SYT10: variants seen among roughly 807,000 people sequenced by gnomAD.
SYT10 encodes the protein synaptotagmin-10.
SYT10 carries 31 observed loss-of-function variants against 51.1 expected under a neutral mutation model. The observed-to-expected ratio is 0.61, with a 90% confidence interval of 0.46 to 0.82. The LOEUF (loss-of-function observed/expected upper bound fraction) is 0.82. Among genes scored for constraint, SYT10 ranks in the 40% least tolerant of loss-of-function variants. The pLI, the probability that SYT10 is intolerant of heterozygous loss-of-function variation, is 0.00. For missense variants in SYT10, 603 were observed against 634.0 expected, an observed-to-expected ratio of 0.95 and a Z score of 0.53; for synonymous variants, 233 against 225.9, an observed-to-expected ratio of 1.03 and a Z score of -0.28.
At position 33,407,118 on chromosome 12, in the gene SYT10, CA is replaced by C; in HGVS notation, c.747del (p.Val250LeufsTer7). On this transcript the variant is annotated frameshift_variant, in exon 3 of 7. Coordinates refer to ENST00000228567, the MANE Select transcript of SYT10 (RefSeq NM_198992.4). LOFTEE classifies it high-confidence loss of function. ...LQYDYENELL[V>X]VKIIKALDLP... ...AGATCTAAAGCTTTGATAATTTTAA[CA>C]ACTAGAAGTTCATTTTCATAATCAT... The C allele has an allele frequency of 6.2e-7, 1 of 1,613,640 alleles. No homozygotes were observed. Among genetic ancestry groups the C allele is most frequent in the Non-Finnish European group, 8.5e-7 (1 of 1,179,876 alleles).
intron 2 of SYT10, among the ~76,000 whole-genome samples, chr12:33,416,774 T>C (rs527521958): frequency 1.7e-4 from 26 of 152,252 alleles, no homozygotes; most frequent in Admixed American, 1.4e-3. Context: ...ATAGAAGAAA[T>C]AATGGCATGC....
intron 3 of SYT10, among the ~76,000 whole-genome samples, chr12:33,392,880 T>G (rs1419347327): frequency 6.7e-6 from 1 of 148,550 alleles, no homozygotes; most frequent in East Asian, 2.0e-4. Flanking sequence ...AGGACACTGT[T>G]TAAGAATGCC....
rs150217676 is a variant in SYT10, at chr12:33,433,838, G to A, written c.151+5534C>T. On this transcript the variant is annotated intron_variant, in intron 1 of 6. Coordinates refer to ENST00000228567, the MANE Select transcript of SYT10 (RefSeq NM_198992.4). ...GACATTTTTTCCAATGCCCTTCAGCGCCAAGGACGCCCCCAGAATCTCCTC... is the reference window on the plus strand; with the variant it reads ...GACATTTTTTCCAATGCCCTTCAGCACCAAGGACGCCCCCAGAATCTCCTC... 6.6e-3 allele frequency among the ~76,000 whole-genome samples: 998 copies of A among 152,084 alleles called. 10 individuals carry two copies. Among genetic ancestry groups the A allele is most frequent in the African/African-American group, 0.022 (918 of 41,494 alleles).
At chr12:33,391,337 C>A (rs1368431064) in intron 3 of SYT10, among the ~76,000 whole-genome samples, 2 of 151,764 alleles carry the variant, frequency 1.3e-5, no homozygotes, top group Non-Finnish European at 2.9e-5. Flanking sequence ...ATATTTGATT[C>A]TTTCCATGAC....
chr12:33,406,910 T>C lies in SYT10; in HGVS notation c.956A>G (p.Tyr319Cys), dbSNP rs1866357952. 1.9e-6 allele frequency: 3 copies of C among 1,614,086 alleles called. No individual in the cohort carries two copies. ...LSNRKLHFSV[Y>C]DFDRFSRHDM... Reference sequence around the variant, plus strand: ...ATGTCTAGAAAATCTGTCAAAATCATACACACTGAAATGTAGTTTTCGGTT... The same window carrying C: ...ATGTCTAGAAAATCTGTCAAAATCACACACACTGAAATGTAGTTTTCGGTT... Residue 319 changes from tyrosine to cysteine, a missense_variant, in exon 3 of 7, where the codon TAT (tyrosine) becomes TGT (cysteine). By Grantham distance (194) the Tyr-to-Cys change is radical. Transcript: ENST00000228567.
At chr12:33,414,547 A>G (rs914409134) in intron 2 of SYT10, among the ~76,000 whole-genome samples, 2 of 152,214 alleles carry the variant, frequency 1.3e-5, no homozygotes, top group South Asian at 2.1e-4. Flanking sequence ...ACTCAACTAC[A>G]TGGAATCTGA....
intron 6 of SYT10, among the ~76,000 whole-genome samples, chr12:33,379,215 C>T (rs1866092127): frequency 6.6e-6 from 1 of 152,088 alleles, no homozygotes; most frequent in African/African-American, 2.4e-5. Flanking sequence ...ATTTCAGAGT[C>T]ATAGCAGAAA....
intron 3 of SYT10, chr12:33,405,629 A>T (rs1866345791): frequency 6.6e-6 from 1 of 152,110 alleles, no homozygotes; most frequent in Admixed American, 6.5e-5. Flanking sequence ...AGCTATTTTG[A>T]ATAAAAAAAT....
intron 1 of SYT10, among the ~76,000 whole-genome samples, chr12:33,429,009 T>C (rs1393027877): frequency 6.6e-6 from 1 of 151,566 alleles, no homozygotes; most frequent in Non-Finnish European, 1.5e-5. Context: ...GAGGGAGCAA[T>C]AACTACAGCA....
chr12:33,423,088 T>C (rs1866519893), intron 2 of SYT10, among the ~76,000 whole-genome samples: 1 of 152,116 alleles, frequency 6.6e-6, no homozygotes, highest in Admixed American at 6.6e-5. Context: ...TAGGGCAAAA[T>C]GTCCACGTAC....
intron 3 of SYT10, among the ~76,000 whole-genome samples, chr12:33,386,489 G>GT (rs200100682): frequency 1.8e-4 from 27 of 150,454 alleles, no homozygotes; most frequent in Middle Eastern, 6.8e-3. Flanking sequence ...GCCTCTGTGT[G>GT]TTTTTTTTTC....
intron 1 of SYT10, among the ~76,000 whole-genome samples, chr12:33,433,083 C>T (rs540543623): frequency 6.6e-6 from 1 of 152,152 alleles, no homozygotes; most frequent in South Asian, 2.1e-4. Context: ...AAGAAAATTA[C>T]CCTATAAAAT....
rs926426666 is a variant in SYT10 at position 33,375,348 on chromosome 12, A to T, written c.*1482T>A. The T allele has an allele frequency of 1.3e-5, 2 of 152,132 alleles. No individual in the cohort carries two copies. 9.4% of individuals were successfully genotyped at this position (152,132 alleles called of 1,614,324 possible). On this transcript the variant is annotated 3_prime_UTR_variant, in exon 7 of 7. Coordinates refer to ENST00000228567, the MANE Select transcript of SYT10 (RefSeq NM_198992.4). ...TATTTAGAAATAATGGGATTTTACA[A>T]AAATAAAAATTTCATAACCGCTGAT... is the stretch of plus-strand genomic sequence containing the variant.
chr12:33,411,591 C>A (rs1388660758), intron 2 of SYT10, among the ~76,000 whole-genome samples: 1 of 151,920 alleles, frequency 6.6e-6, no homozygotes, highest in Non-Finnish European at 1.5e-5. Context: ...ATTGAAAAAC[C>A]GTTACTATAT....
intron 1 of SYT10, 85 bp downstream of exon 1, chr12:33,439,287 G>A: frequency 1.3e-6 from 2 of 1,487,740 alleles, no homozygotes. Flanking sequence ...GGAGCGGCGC[G>A]GGAGGCGCAG....
chr12:33,436,026 T>C (rs1471880053), intron 1 of SYT10, among the ~76,000 whole-genome samples: 1 of 152,196 alleles, frequency 6.6e-6, no homozygotes, highest in Non-Finnish European at 1.5e-5. Context: ...AATCTTTAAA[T>C]TAAGCTTAGA....
chr12:33,439,697 G>A lies in SYT10; in HGVS notation c.-175C>T. 1 of 753,138 alleles carries A rather than the reference G, an allele frequency of 1.3e-6. No individual in the cohort carries two copies. Among genetic ancestry groups the A allele is most frequent in the Non-Finnish European group, 2.1e-6 (1 of 487,072 alleles). 46.7% of individuals were successfully genotyped at this position (753,138 alleles called of 1,614,324 possible). A position where few individuals can be genotyped will look rare whatever the true frequency, so the allele number is the denominator to read the frequency against. On this transcript the variant is annotated 5_prime_UTR_variant, in exon 1 of 7. Coordinates refer to ENST00000228567, the MANE Select transcript of SYT10 (RefSeq NM_198992.4). ...GAGCCCCACGTTGGCCCCATGGCGG[G>A]AGCGGAGGGCGTAGGGGAAGGAGAG...
At chr12:33,402,593 T>G (rs1164380031) in intron 3 of SYT10, among the ~76,000 whole-genome samples, 1 of 152,230 alleles carries the variant, frequency 6.6e-6, no homozygotes. Context: ...ATTTTACCAG[T>G]CTTTCTTTCA....
chr12:33,422,882 T>G (rs1433775986), intron 2 of SYT10, among the ~76,000 whole-genome samples: 5 of 152,150 alleles, frequency 3.3e-5, no homozygotes, highest in Admixed American at 1.3e-4. Flanking sequence ...ATTATAAATT[T>G]ACAGAAATTG....
Sources: gnomAD v4.1 joint callset for allele counts (sites outside exome capture counted in the v4.1 genomes callset) on GRCh38, gnomAD v4.1.1 for gene constraint, MANE v1.5 for transcripts, NCBI Gene and HGNC (gene_info 2026-07-23, HGNC 2026-07-21) for gene names.